The following CSMD1 variants were observed in gnomAD, a reference collection of about 807,000 sequenced individuals.
CSMD1 encodes CUB and Sushi multiple domains 1.
Under a neutral mutation model 417.5 loss-of-function variants are expected in CSMD1, and 213 were observed. That is an observed-to-expected ratio of 0.51 (90% confidence interval 0.46 to 0.57). The LOEUF (loss-of-function observed/expected upper bound fraction) is 0.57. Among genes scored for constraint, CSMD1 ranks in the 20% least tolerant of loss-of-function variants. The pLI, the probability that CSMD1 is intolerant of heterozygous loss-of-function variation, is 0.00. For synonymous variants in CSMD1, 2,862 were observed against 1,736.8 expected (o/e 1.65, Z -16.11); for missense variants, 6,923 against 4,529.7 (o/e 1.53, Z -15.17).
At chr8:2,985,976 G>GGAAGGGGAAGGGGAAGGA (rs1805867664) in intron 54 of CSMD1, among the ~76,000 whole-genome samples, 1 of 133,796 alleles carries the variant, frequency 7.5e-6, no homozygotes, top group African/African-American at 2.9e-5. Context: ...AAGGGGAAGG[G>GGAAGGGGAAGGGGAAGGA]AAAGGGGAAG....
chr8:3,345,012 G>T (rs532811028), intron 22 of CSMD1, among the ~76,000 whole-genome samples: 74 of 152,284 alleles, frequency 4.9e-4, no homozygotes, highest in African/African-American at 1.7e-3. Context: ...TAATTCCAGA[G>T]GAATCTGGGT....
chr8:4,188,602 C>G (rs1798823869), intron 3 of CSMD1, among the ~76,000 whole-genome samples: 1 of 152,084 alleles, frequency 6.6e-6, no homozygotes, highest in African/African-American at 2.4e-5. Context: ...TCACTGCAAG[C>G]TTAAGATTCT....
At chr8:4,988,964 C>G (rs913952728) in intron 1 of CSMD1, among the ~76,000 whole-genome samples, 21 of 152,182 alleles carry the variant, frequency 1.4e-4, no homozygotes, top group African/African-American at 5.1e-4. Context: ...ACCTCAGTAT[C>G]AAGGACTAAA....
At chr8:3,294,440 G>A (rs1803810668) in intron 25 of CSMD1, among the ~76,000 whole-genome samples, 1 of 152,204 alleles carries the variant, frequency 6.6e-6, no homozygotes, top group African/African-American at 2.4e-5. Flanking sequence ...ACAGAGGCAG[G>A]CAGGCTTCCT....
intron 18 of CSMD1, among the ~76,000 whole-genome samples, chr8:3,382,167 G>T (rs1381136338): frequency 6.6e-6 from 1 of 151,884 alleles, no homozygotes; most frequent in African/African-American, 2.4e-5. Context: ...GCTGAGGCAG[G>T]GTAATCGCTT....
intron 1 of CSMD1, among the ~76,000 whole-genome samples, chr8:4,786,931 G>A (rs148711551): frequency 6.2e-4 from 94 of 152,204 alleles, no homozygotes; most frequent in African/African-American, 2.1e-3. Context: ...CATTTAAAAG[G>A]CACTTTTTAA....
At chr8:3,753,189 C>T (rs945595453) in intron 6 of CSMD1, among the ~76,000 whole-genome samples, 1 of 152,092 alleles carries the variant, frequency 6.6e-6, no homozygotes, top group African/African-American at 2.4e-5. Context: ...AAAGCTTAGG[C>T]ACTTTGATTG....
Position 3,685,424 on chromosome 8 carries a change from G to C in CSMD1, c.1009+22990C>G, listed in dbSNP as rs143579593. 2.5e-3 allele frequency among the ~76,000 whole-genome samples: 381 copies of C among 152,284 alleles called. 2 individuals are homozygous for C. Among genetic ancestry groups the C allele is most frequent in the African/African-American group, 7.9e-3 (330 of 41,558 alleles). ...CACTGCACAGAATGCCAATGACTGA[G>C]ATCACGATTACTGCCAAGGAAGAAG... On this transcript the variant is annotated intron_variant, in intron 7 of 69. Coordinates refer to ENST00000635120, the MANE Select transcript of CSMD1 (RefSeq NM_033225.6).
At chr8:4,978,097 C>T (rs1205012070) in intron 1 of CSMD1, among the ~76,000 whole-genome samples, 2 of 152,284 alleles carry the variant, frequency 1.3e-5, no homozygotes, top group African/African-American at 2.4e-5. Flanking sequence ...ATCATGGCCA[C>T]GTGAGTTCTG....
intron 2 of CSMD1, among the ~76,000 whole-genome samples, chr8:4,444,919 T>C (rs911555261): frequency 7.2e-5 from 11 of 152,204 alleles, no homozygotes; most frequent in Non-Finnish European, 1.5e-4. Context: ...CTTACATATT[T>C]GCTCCCTTCT....
chr8:4,414,598 A>AT (rs560074720), intron 3 of CSMD1, among the ~76,000 whole-genome samples: 2,996 of 152,092 alleles, frequency 0.02, 89 homozygotes, highest in African/African-American at 0.064. Context: ...CAATTCAGTG[A>AT]TTTTTTTTAA....
At chr8:4,281,935 T>C (rs1212161155) in intron 3 of CSMD1, among the ~76,000 whole-genome samples, 3 of 152,196 alleles carry the variant, frequency 2.0e-5, no homozygotes, top group Non-Finnish European at 4.4e-5. Flanking sequence ...TAGATGCTGG[T>C]GAATGTGCCT....
chr8:4,710,239 T>G (rs956477237), intron 1 of CSMD1, among the ~76,000 whole-genome samples: 3 of 152,082 alleles, frequency 2.0e-5, no homozygotes, highest in Middle Eastern at 3.4e-3. Flanking sequence ...CAAGGTACTA[T>G]GAAATACATA....
intron 3 of CSMD1, among the ~76,000 whole-genome samples, chr8:4,156,915 A>T (rs2131077513): frequency 6.6e-6 from 1 of 152,166 alleles, no homozygotes; most frequent in Admixed American, 6.5e-5. Context: ...ACCTCTCCGG[A>T]CATTTGTGAG....
chr8:4,750,230 A>C (rs917446809), intron 1 of CSMD1, among the ~76,000 whole-genome samples: 4 of 150,772 alleles, frequency 2.7e-5, no homozygotes, highest in African/African-American at 5.0e-5. Flanking sequence ...GATGGTCTCG[A>C]TCTCCCGACA....
intron 3 of CSMD1, among the ~76,000 whole-genome samples, chr8:4,183,524 TG>T (rs561544705): frequency 7.4e-4 from 112 of 152,332 alleles, no homozygotes; most frequent in African/African-American, 2.6e-3. Context: ...CAGACATTAC[TG>T]GTTTATTTGT....
chr8:3,134,382 TC>T (rs1817962023), intron 41 of CSMD1, among the ~76,000 whole-genome samples: 1 of 152,058 alleles, frequency 6.6e-6, no homozygotes, highest in African/African-American at 2.4e-5. Flanking sequence ...AGCACCTGCA[TC>T]CAACCACGAA....
intron 8 of CSMD1, among the ~76,000 whole-genome samples, chr8:3,589,339 G>T (rs768615650): frequency 6.6e-6 from 1 of 151,962 alleles, no homozygotes; most frequent in African/African-American, 2.4e-5. Context: ...AATCAATGCA[G>T]GGGTCCAACA....
At chr8:4,039,793 G>T (rs1418038860) in intron 3 of CSMD1, among the ~76,000 whole-genome samples, 1 of 152,186 alleles carries the variant, frequency 6.6e-6, no homozygotes, top group Non-Finnish European at 1.5e-5. Context: ...AAAAGTATAT[G>T]GCACAGGGAG....
Sources: allele counts gnomAD v4.1 joint callset (sites outside exome capture counted in the v4.1 genomes callset), GRCh38; gene constraint gnomAD v4.1.1; transcripts MANE v1.5; gene names NCBI Gene and HGNC (gene_info 2026-07-23, HGNC 2026-07-21).